THSD4: variants seen among roughly 807,000 people sequenced by gnomAD.
THSD4 encodes the protein thrombospondin type-1 domain-containing protein 4.
Under a neutral mutation model 119.0 loss-of-function variants are expected in THSD4, and 69 were observed. That is an observed-to-expected ratio of 0.58 (90% CI 0.48 to 0.71). The LOEUF (loss-of-function observed/expected upper bound fraction) is 0.71. THSD4 is among the 30% of genes least tolerant of loss of function. The pLI is 0.00. For synonymous variants in THSD4, 524 were observed against 540.4 expected (o/e 0.97, Z 0.42); for missense variants, 1,393 against 1,391.1 (o/e 1.00, Z -0.02).
At chr15:71,303,548 G>A (rs1375932746) in intron 6 of THSD4, among the ~76,000 whole-genome samples, 2 of 152,206 alleles carry the variant, frequency 1.3e-5, no homozygotes, top group Non-Finnish European at 2.9e-5. Flanking sequence ...GAAAAGCCAG[G>A]GCTGTGGGCC....
At chr15:71,263,644 T>C (rs2044430043) in intron 6 of THSD4, among the ~76,000 whole-genome samples, 1 of 152,190 alleles carries the variant, frequency 6.6e-6, no homozygotes, top group Non-Finnish European at 1.5e-5. Flanking sequence ...TCCACAACCT[T>C]GCCAGCATCT....
intron 7 of THSD4, chr15:71,547,580 G>A (rs1353975764): frequency 7.1e-7 from 1 of 1,413,412 alleles, no homozygotes; most frequent in African/African-American, 1.4e-5. Flanking sequence ...GAATTTTATG[G>A]GGTGCAAAGA....
intron 7 of THSD4, among the ~76,000 whole-genome samples, chr15:71,525,346 A>G (rs115552207): frequency 0.012 from 1,874 of 152,300 alleles, 33 homozygotes; most frequent in African/African-American, 0.041. Context: ...GTTAAAACCG[A>G]CACTCATAAC....
chr15:71,574,108 A>G (rs2049406136), intron 7 of THSD4, among the ~76,000 whole-genome samples: 1 of 152,222 alleles, frequency 6.6e-6, no homozygotes, highest in African/African-American at 2.4e-5. Context: ...AGTGCACAGT[A>G]GACAGTCAGT....
At chr15:71,625,776 T>C (rs2050497034) in intron 7 of THSD4, among the ~76,000 whole-genome samples, 1 of 152,200 alleles carries the variant, frequency 6.6e-6, no homozygotes, top group Non-Finnish European at 1.5e-5. Context: ...AAATTTAGTC[T>C]GCTCAGGGAG....
chr15:71,337,781 G>A lies in THSD4; in HGVS notation c.1016-73906G>A, dbSNP rs185424213. 1.7e-3 allele frequency among the ~76,000 whole-genome samples: 255 copies of A among 152,270 alleles called. 2 individuals carry two copies. Among genetic ancestry groups the A allele is most frequent in the South Asian group, 5.2e-3 (25 of 4,816 alleles). On this transcript the variant is annotated intron_variant, in intron 6 of 17. Transcript: ENST00000261862. Reference sequence around the variant, plus strand: ...AGTAGAGGCTGAGCCCACCGGAGACGTTCCCAGCAGGCTTGAGTAAAGGTT... The same window carrying A: ...AGTAGAGGCTGAGCCCACCGGAGACATTCCCAGCAGGCTTGAGTAAAGGTT...
intron 7 of THSD4, among the ~76,000 whole-genome samples, chr15:71,632,238 C>T (rs2050645229): frequency 6.6e-6 from 1 of 152,160 alleles, no homozygotes; most frequent in African/African-American, 2.4e-5. Flanking sequence ...ACCCCTTCTT[C>T]CCATCTCTGT....
chr15:71,271,057 G>A (rs1386276315), intron 6 of THSD4, among the ~76,000 whole-genome samples: 2 of 152,046 alleles, frequency 1.3e-5, no homozygotes, highest in Non-Finnish European at 2.9e-5. Context: ...TGTAGAATGT[G>A]TATTATTGCT....
At chr15:71,313,385 C>A (rs759465762) in intron 6 of THSD4, among the ~76,000 whole-genome samples, 3 of 152,192 alleles carry the variant, frequency 2.0e-5, no homozygotes, top group Non-Finnish European at 2.9e-5. Flanking sequence ...ACATTCCCTG[C>A]CCCAGTTATC....
chr15:71,679,127 G>C (rs1209584436), intron 8 of THSD4, among the ~76,000 whole-genome samples: 6 of 152,290 alleles, frequency 3.9e-5, no homozygotes, highest in African/African-American at 1.4e-4. Flanking sequence ...AGAGTTGAAC[G>C]ATACATGGCC....
chr15:71,580,033 A>G (rs1368487237), intron 7 of THSD4, among the ~76,000 whole-genome samples: 1 of 152,136 alleles, frequency 6.6e-6, no homozygotes, highest in African/African-American at 2.4e-5. Flanking sequence ...TCACATAATA[A>G]TATCCTGCTC....
At chr15:71,370,637 G>A (rs2046031391) in intron 6 of THSD4, among the ~76,000 whole-genome samples, 2 of 152,204 alleles carry the variant, frequency 1.3e-5, no homozygotes, top group South Asian at 4.1e-4. Context: ...TTGCACTGTG[G>A]TCTGACAGAC....
Position 71,747,008 on chromosome 15 carries a change from G to T in THSD4, c.2207G>T (p.Cys736Phe), listed in dbSNP as rs749829247. The T allele has an allele frequency of 1.2e-6, 2 of 1,612,156 alleles. No individual in the cohort carries two copies. Among genetic ancestry groups the T allele is most frequent in the East Asian group, 2.2e-5 (1 of 44,858 alleles). ...ACCAGCACCTGCCAACTCAAGATCT[G>T]CAGCGAGTGGCAGATCCGGACCGAC... ...ETTSTCQLKICSEWQIRTDWT... is the reference protein window; with the variant it reads ...ETTSTCQLKIFSEWQIRTDWT... The change falls in exon 13 of 18, where the codon TGC (cysteine) becomes TTC (phenylalanine). Residue 736 changes from cysteine (C) to phenylalanine (F), a missense_variant. Coordinates refer to ENST00000261862, the MANE Select transcript of THSD4 (RefSeq NM_024817.3).
chr15:71,756,566 T>G (rs2053542211), intron 14 of THSD4, among the ~76,000 whole-genome samples: 2 of 152,164 alleles, frequency 1.3e-5, no homozygotes, highest in South Asian at 4.1e-4. Context: ...GCGGATCTCT[T>G]GCGCTCAGGA....
chr15:71,113,801 C>T (rs1372224155), upstream of THSD4: 1 of 152,146 alleles, frequency 6.6e-6, no homozygotes, highest in South Asian at 2.1e-4. Context: ...CTTGTTTGAA[C>T]AAATCTTATT....
intron 5 of THSD4, among the ~76,000 whole-genome samples, chr15:71,252,957 G>T (rs531976207): frequency 6.6e-6 from 1 of 152,026 alleles, no homozygotes; most frequent in African/African-American, 2.4e-5. Context: ...CCACTTCCAC[G>T]TCCGGGCCCA....
rs767424581 is a variant in THSD4 at position 71,182,726 on chromosome 15, T to C, written c.99+27794T>C. On this transcript the variant is annotated intron_variant, in intron 3 of 17. Coordinates refer to ENST00000261862, the MANE Select transcript of THSD4 (RefSeq NM_024817.3). ...CACAGTCTTCTGGGCACTGTCTTTGTATGTTAGTGGTCTATCTTTTCCTCC... is the reference window on the plus strand; with the variant it reads ...CACAGTCTTCTGGGCACTGTCTTTGCATGTTAGTGGTCTATCTTTTCCTCC... Among the ~76,000 whole-genome samples, 30 of 151,668 alleles carry C rather than the reference T, an allele frequency of 2.0e-4. 1 individual carries two copies. Among genetic ancestry groups the C allele is most frequent in the Non-Finnish European group, 4.1e-4 (28 of 67,838 alleles).
chr15:71,722,741 T>C (rs2052746023), intron 8 of THSD4, among the ~76,000 whole-genome samples: 1 of 152,234 alleles, frequency 6.6e-6, no homozygotes, highest in Non-Finnish European at 1.5e-5. Flanking sequence ...AGATATCAAA[T>C]GAGAAATAAA....
chr15:71,623,907 G>C (rs2050462140), intron 7 of THSD4, among the ~76,000 whole-genome samples: 1 of 137,028 alleles, frequency 7.3e-6, no homozygotes. Context: ...TGGATGCCAA[G>C]AGCAAAACTC....
Sources: gnomAD v4.1 joint callset for allele counts (sites outside exome capture counted in the v4.1 genomes callset) on GRCh38, gnomAD v4.1.1 for gene constraint, MANE v1.5 for transcripts, NCBI Gene and HGNC (gene_info 2026-07-23, HGNC 2026-07-21) for gene names.